NEK3: variants seen among roughly 807,000 people sequenced by gnomAD.
NEK3 encodes the protein serine/threonine-protein kinase Nek3.
Under a neutral mutation model 66.0 loss-of-function variants are expected in NEK3, and 54 were observed. The ratio of observed to expected loss-of-function variants is 0.82; its 90% CI spans 0.66 to 1.03. The LOEUF (loss-of-function observed/expected upper bound fraction) is 1.03, where lower values mean the gene tolerates loss of function less well. NEK3 is among the 50% of genes least tolerant of loss of function. The probability of loss-of-function intolerance (pLI) is 0.00; values close to 1 mark genes in which losing one functional copy is unlikely to be tolerated. For synonymous variants in NEK3, 200 were observed against 206.2 expected (o/e 0.97, Z 0.26); for missense variants, 593 against 603.0 (o/e 0.98, Z 0.17).
chr13:52,157,324 T>G (rs1251672440), intron 1 of NEK3: 1 of 151,404 alleles, frequency 6.6e-6, no homozygotes, highest in Non-Finnish European at 1.5e-5. Flanking sequence ...GTGGAGGCAA[T>G]GGGGTCAGAA....
At chr13:52,155,662 T>C (rs536170949) in intron 2 of NEK3, among the ~76,000 whole-genome samples, 2 of 151,586 alleles carry the variant, frequency 1.3e-5, no homozygotes, top group South Asian at 2.1e-4. Context: ...AGAAATTCCA[T>C]GTTAAAACTC....
At position 52,150,293 on chromosome 13, in the gene NEK3, A is replaced by G. The variant is rs142894350; in HGVS notation, c.548+853T>C. 5.3e-5 allele frequency among the ~76,000 whole-genome samples: 8 copies of G among 152,330 alleles called. No homozygotes were observed. In the East Asian group the frequency reaches 1.3e-3, roughly 26 times the overall value. On this transcript the variant is annotated intron_variant, in intron 7 of 15. Coordinates refer to ENST00000610828, the MANE Select transcript of NEK3 (RefSeq NM_002498.3). ...GTTTATGAGACTGAAATGTGGAAAT[A>G]TAAGGCCAACAACAGAGGGATTACT...
At position 52,145,680 on chromosome 13, in the gene NEK3, T is replaced by G. The variant is rs546462809; in HGVS notation, c.604-789A>C. ...ACCATTCCTGTCATTAAAGCAGCTATGAAAATTTGATGAGTAACACCGTGG... is the reference window on the plus strand; with the variant it reads ...ACCATTCCTGTCATTAAAGCAGCTAGGAAAATTTGATGAGTAACACCGTGG... On this transcript the variant is annotated intron_variant, in intron 8 of 15. Coordinates refer to ENST00000610828, the MANE Select transcript of NEK3 (RefSeq NM_002498.3). 9.8e-5 allele frequency among the ~76,000 whole-genome samples: 15 copies of G among 152,300 alleles called. No individual in the cohort carries two copies. In the South Asian group the frequency reaches 3.1e-3, roughly 32 times the overall value.
At chr13:52,154,722 A>T (rs1956377618) in intron 2 of NEK3, among the ~76,000 whole-genome samples, 1 of 151,420 alleles carries the variant, frequency 6.6e-6, no homozygotes, top group Non-Finnish European at 1.5e-5. Context: ...TTACTCTATG[A>T]GGATGAAATT....
At chr13:52,143,468 T>C (rs1956267929) in intron 10 of NEK3, among the ~76,000 whole-genome samples, 1 of 152,148 alleles carries the variant, frequency 6.6e-6, no homozygotes, top group Non-Finnish European at 1.5e-5. Context: ...GACGCATCAC[T>C]ACCACCCATC....
chr13:52,137,512 G>A (rs890989018), intron 11 of NEK3, among the ~76,000 whole-genome samples: 1 of 152,198 alleles, frequency 6.6e-6, no homozygotes, highest in Non-Finnish European at 1.5e-5. Flanking sequence ...GAAAGAGTAG[G>A]CTTGGGTGGC....
intron 7 of NEK3, 143 bp from the exon 8 acceptor site, chr13:52,148,612 A>G (rs1956313695): frequency 7.6e-6 from 5 of 655,556 alleles, no homozygotes; most frequent in Non-Finnish European, 5.2e-6. Flanking sequence ...ACACCTAGAT[A>G]CTTCCTAAGA....
At chr13:52,144,291 C>T (rs1956275071) in intron 9 of NEK3, among the ~76,000 whole-genome samples, 1 of 152,102 alleles carries the variant, frequency 6.6e-6, no homozygotes, top group Non-Finnish European at 1.5e-5. Context: ...TGGCGTGTGC[C>T]TGTAACCCCA....
At chr13:52,135,257 T>A (rs1490846027) in intron 14 of NEK3, among the ~76,000 whole-genome samples, 4 of 152,156 alleles carry the variant, frequency 2.6e-5, no homozygotes, top group Admixed American at 2.6e-4. Context: ...CTCTATTCAA[T>A]GTAACAGAGT....
chr13:52,156,262 C>G lies in NEK3; in HGVS notation c.-57-14G>C, dbSNP rs745863827. 2.3e-6 allele frequency: 2 copies of G among 887,012 alleles called. No homozygotes were observed. Among genetic ancestry groups the G allele is most frequent in the Non-Finnish European group, 3.6e-6 (2 of 557,604 alleles). The allele number at this position is 887,012 out of a possible 1,614,324, so 54.9% of individuals were successfully genotyped here. On this transcript the variant is annotated splice_polypyrimidine_tract_variant and intron_variant, in intron 1 of 15. Coordinates refer to ENST00000610828, the MANE Select transcript of NEK3 (RefSeq NM_002498.3). The stretch of plus-strand genomic sequence containing the variant: ...GGCTCTCCCAAACTGCATTCAAAAG[C>G]AGAAACATTTGAGAATTAAATGTAC...
Position 52,133,763 on chromosome 13 carries a change from G to C in NEK3, c.1362C>G (p.Asp454Glu). The change falls in exon 15 of 16, where the codon GAC becomes GAG. Residue 454 changes from aspartate to glutamate, a missense_variant. Coordinates refer to ENST00000610828, the MANE Select transcript of NEK3 (RefSeq NM_002498.3). Reference sequence around the variant, plus strand: ...CAGAATCGTGACCTCCATCAACACTGTCCGATGCTTCTGTTTCTTCAGACA... The same window carrying C: ...CAGAATCGTGACCTCCATCAACACTCTCCGATGCTTCTGTTTCTTCAGACA... Reference protein sequence around the residue: ...GPLSEETEASDSVDGGHDSVI... With the variant: ...GPLSEETEASESVDGGHDSVI... 6.3e-7 allele frequency: 1 copy of C among 1,591,502 alleles called. No homozygotes were observed. Among genetic ancestry groups the C allele is most frequent in the Non-Finnish European group, 8.6e-7 (1 of 1,167,966 alleles).
chr13:52,144,629 A>G, intron 9 of NEK3, 62 bp downstream of exon 9: 2 of 1,320,824 alleles, frequency 1.5e-6, no homozygotes, highest in South Asian at 2.5e-5. Flanking sequence ...ATGTTAAAAG[A>G]TAACAAACCA....
At position 52,132,830 on chromosome 13, in the gene NEK3, G is replaced by A. The variant is rs546593349; in HGVS notation, c.*312C>T. On this transcript the variant is annotated 3_prime_UTR_variant, in exon 16 of 16. Transcript: ENST00000610828. ...GTTGAGGAAATTGGGGCTTGAAGAG[G>A]TTAAGTAATTTCCCACAATCACACA... 3.7e-6 allele frequency: 1 copy of A among 273,188 alleles called. No individual in the cohort carries two copies. The highest frequency in any genetic ancestry group is 8.8e-5 in the South Asian group (1 of 11,386). The allele number at this position is 273,188 out of a possible 1,614,324, so 16.9% of individuals were successfully genotyped here. A position where few individuals can be genotyped will look rare whatever the true frequency, so the allele number is the denominator to read the frequency against.
At chr13:52,148,267 T>G (rs1956310761) in intron 8 of NEK3, 148 bp downstream of exon 8, 1 of 645,560 alleles carries the variant, frequency 1.5e-6, no homozygotes, top group African/African-American at 1.8e-5. Flanking sequence ...CAAAACTAAC[T>G]CAGGGCAGAT....
chr13:52,143,000 G>A (rs575658431), intron 10 of NEK3, among the ~76,000 whole-genome samples: 1 of 152,294 alleles, frequency 6.6e-6, no homozygotes, highest in African/African-American at 2.4e-5. Context: ...ATGATTCACA[G>A]CTTTGGAAAA....
intron 8 of NEK3, among the ~76,000 whole-genome samples, chr13:52,146,347 T>C (rs1956295670): frequency 1.3e-5 from 2 of 152,236 alleles, no homozygotes; most frequent in South Asian, 4.1e-4. Context: ...CAGATTGTGA[T>C]AATGACAAAT....
At chr13:52,154,801 G>A (rs1956378146) in intron 2 of NEK3, among the ~76,000 whole-genome samples, 1 of 148,194 alleles carries the variant, frequency 6.7e-6, no homozygotes, top group African/African-American at 2.5e-5. Context: ...CCTCCCCAGT[G>A]GCTGGGACTA....
At chr13:52,134,145 C>T (rs1215415124) in intron 14 of NEK3, among the ~76,000 whole-genome samples, 1 of 152,106 alleles carries the variant, frequency 6.6e-6, no homozygotes, top group Non-Finnish European at 1.5e-5. Flanking sequence ...CTCCTCCTAC[C>T]TCAGTCTCCC....
intron 1 of NEK3, chr13:52,157,479 G>C (rs1266000473): frequency 6.6e-6 from 1 of 152,314 alleles, no homozygotes; most frequent in Non-Finnish European, 1.5e-5. Flanking sequence ...GAGAGGAAAG[G>C]CACAATGGTT....
Sources: allele counts gnomAD v4.1 joint callset (sites outside exome capture counted in the v4.1 genomes callset), GRCh38; gene constraint gnomAD v4.1.1; transcripts MANE v1.5; gene names NCBI Gene and HGNC (gene_info 2026-07-23, HGNC 2026-07-21).